FHIP2A: variants seen among roughly 807,000 people sequenced by gnomAD.
FHIP2A encodes family with sequence similarity 160 member B1.
A neutral mutation model predicts 93.5 loss-of-function variants in FHIP2A; 46 were observed. The observed-to-expected ratio is 0.49, with a 90% CI of 0.39 to 0.63. The LOEUF (loss-of-function observed/expected upper bound fraction) is 0.63. FHIP2A is among the 20% of genes least tolerant of loss of function. The pLI is 0.00. For synonymous variants in FHIP2A, 332 were observed against 326.5 expected, an observed-to-expected ratio of 1.02 and a Z score of -0.18; for missense variants, 769 against 909.7, an observed-to-expected ratio of 0.85 and a Z score of 1.99.
chr10:114,890,415 T>A (rs2083964792), intron 16 of FHIP2A, among the ~76,000 whole-genome samples: 1 of 150,996 alleles, frequency 6.6e-6, no homozygotes, highest in African/African-American at 2.4e-5. Context: ...ACCCAGTGAT[T>A]TATGATTATA....
At chr10:114,843,448 G>T (rs1032735465) in intron 6 of FHIP2A, among the ~76,000 whole-genome samples, 3 of 151,728 alleles carry the variant, frequency 2.0e-5, no homozygotes, top group African/African-American at 7.3e-5. Context: ...GGGATTACAG[G>T]TGCACGCCAC....
At chr10:114,852,768 A>G (rs2083744620) in intron 13 of FHIP2A, among the ~76,000 whole-genome samples, 1 of 152,224 alleles carries the variant, frequency 6.6e-6, no homozygotes, top group South Asian at 2.1e-4. Flanking sequence ...ATACTTAGAC[A>G]TCAAATCTTA....
chr10:114,854,689 A>G (rs1382949756), intron 13 of FHIP2A, among the ~76,000 whole-genome samples: 1 of 152,204 alleles, frequency 6.6e-6, no homozygotes, highest in African/African-American at 2.4e-5. Context: ...GAGGACCAGC[A>G]CTGGTCGATG....
chr10:114,822,110 A>T lies in FHIP2A; in HGVS notation c.32A>T (p.His11Leu), dbSNP rs1417034868. Reference sequence around the variant, plus strand: ...TCCAAGTTCACCTCCATCCTGCAGCACGCCGTGGAGGCGGTAAGGCCGCGG... The same window carrying T: ...TCCAAGTTCACCTCCATCCTGCAGCTCGCCGTGGAGGCGGTAAGGCCGCGG... MFSKFTSILQHAVEALAPSLP... is the reference protein window; with the variant it reads MFSKFTSILQLAVEALAPSLP... Residue 11 changes from histidine (H) to leucine (L), a missense_variant, in exon 1 of 17, where the codon CAC becomes CTC. Transcript: ENST00000369248. The T allele has an allele frequency of 7.5e-7, 1 of 1,339,800 alleles. No individual in the cohort carries two copies. The highest frequency in any genetic ancestry group is 1.8e-5 in the South Asian group (1 of 54,388). 83.0% of individuals were successfully genotyped at this position (1,339,800 alleles called of 1,614,324 possible). A position where few individuals can be genotyped will look rare whatever the true frequency, so the allele number is the denominator to read the frequency against.
At chr10:114,877,227 G>A (rs565399695) in intron 16 of FHIP2A, among the ~76,000 whole-genome samples, 54 of 152,198 alleles carry the variant, frequency 3.5e-4, no homozygotes, top group African/African-American at 1.3e-3. Context: ...CAGTTCCCGA[G>A]TGCTGTCACT....
At chr10:114,857,434 T>G (rs2083773869) in intron 14 of FHIP2A, among the ~76,000 whole-genome samples, 1 of 151,642 alleles carries the variant, frequency 6.6e-6, no homozygotes, top group African/African-American at 2.4e-5. Flanking sequence ...CTCAGCGTCC[T>G]GAGTAGCTGG....
chr10:114,876,254 G>A (rs937698843), intron 16 of FHIP2A, among the ~76,000 whole-genome samples: 1 of 152,126 alleles, frequency 6.6e-6, no homozygotes, highest in Non-Finnish European at 1.5e-5. Flanking sequence ...CCCAAGGAGC[G>A]CTGTGGACCA....
At position 114,861,883 on chromosome 10, in the gene FHIP2A, T is replaced by C; in HGVS notation, c.*343T>C. ...TGATGATATTTCTGTTATATTAATG[T>C]CCTTTTAGGTAGCAAGGCATTTTGA... On this transcript the variant is annotated 3_prime_UTR_variant, in exon 17 of 17. Transcript: ENST00000369248. 1.0e-6 allele frequency: 1 copy of C among 994,410 alleles called. No homozygotes were observed. The highest frequency in any genetic ancestry group is 1.2e-6 in the Non-Finnish European group (1 of 835,662). The allele number at this position is 994,410 out of a possible 1,614,324, so 61.6% of individuals were successfully genotyped here.
chr10:114,843,810 G>A lies in FHIP2A; in HGVS notation c.886G>A (p.Ala296Thr), dbSNP rs1173854782. 5 of 1,601,752 alleles carry A rather than the reference G, an allele frequency of 3.1e-6. No individual in the cohort carries two copies. In the African/African-American group the frequency reaches 4.0e-5, roughly 13 times the overall value. Reference sequence around the variant, plus strand: ...AGTAAGTTTGCCAGAGCCTGCGGCTGCAAAGTGCCTTACACAGAGCACTTG... The same window carrying A: ...AGTAAGTTTGCCAGAGCCTGCGGCTACAAAGTGCCTTACACAGAGCACTTG... ...LLVSLPEPAA[A>T]KCLTQSTCLC... The change falls in exon 7 of 17, where the codon GCA becomes ACA. Residue 296 changes from alanine to threonine, a missense_variant. Physicochemically the swap from Ala to Thr is moderately conservative, Grantham distance 58. Transcript: ENST00000369248.
In FHIP2A at chr10:114,855,334, T is replaced by G. The variant is rs199586118; in HGVS notation, c.1941T>G (p.Leu647=). ...TGTTCGACAGAATGGGAAGAATTCTTGATCAGGTAATACATTTTAAAATAC... is the reference window on the plus strand; with the variant it reads ...TGTTCGACAGAATGGGAAGAATTCTGGATCAGGTAATACATTTTAAAATAC... ...KVLFDRMGRI[L]DQPYDVNLQV... is the part of the protein sequence containing the mutation. The change falls in exon 14 of 17, where the codon CTT becomes CTG. Residue 647 remains leucine, a synonymous_variant. Coordinates refer to ENST00000369248, the MANE Select transcript of FHIP2A (RefSeq NM_020940.4). 152 of 1,613,424 alleles carry G rather than the reference T, an allele frequency of 9.4e-5. 1 individual carries two copies. The East Asian group carries it at 3.3e-3, about 35-fold the overall frequency.
chr10:114,862,525 C>T lies in FHIP2A; in HGVS notation c.*985C>T, dbSNP rs1187130292. ...TACATTTTTTTCTATTTTGTTCAGT[C>T]TTTTGTTTTAAATGATTCTAAAGAG... is the stretch of plus-strand genomic sequence containing the variant. On this transcript the variant is annotated 3_prime_UTR_variant, in exon 17 of 17. Coordinates refer to ENST00000369248, the MANE Select transcript of FHIP2A (RefSeq NM_020940.4). The T allele has an allele frequency of 1.0e-5, 10 of 987,158 alleles. No homozygotes were observed. Among genetic ancestry groups the T allele is most frequent in the Non-Finnish European group, 1.1e-5 (9 of 829,996 alleles). 61.1% of individuals were successfully genotyped at this position (987,158 alleles called of 1,614,324 possible).
intron 16 of FHIP2A, among the ~76,000 whole-genome samples, chr10:114,897,779 G>A (rs1412692968): frequency 6.6e-6 from 1 of 152,174 alleles, no homozygotes; most frequent in Admixed American, 6.5e-5. Flanking sequence ...GCTTGGTGGT[G>A]CACACCATAG....
chr10:114,865,910 G>A (rs535806055), downstream of FHIP2A, among the ~76,000 whole-genome samples: 1 of 152,002 alleles, frequency 6.6e-6, no homozygotes, highest in Non-Finnish European at 1.5e-5. Flanking sequence ...TGTTCTTATG[G>A]CAATAAAGTT....
chr10:114,845,328 G>A (rs748305744), intron 7 of FHIP2A, 39 bp from the exon 8 acceptor site: 2 of 1,181,546 alleles, frequency 1.7e-6, no homozygotes, highest in South Asian at 1.2e-5. Context: ...CCATGCTTTT[G>A]GATAACTTTG....
chr10:114,821,923 C>T lies in FHIP2A; in HGVS notation c.-156C>T, dbSNP rs1241877150. ...AGCCGCCCGCGCACACCTGAAGCGGCCGGGCCAGGCCCTGCCTCGATCCTC... is the reference window on the plus strand; with the variant it reads ...AGCCGCCCGCGCACACCTGAAGCGGTCGGGCCAGGCCCTGCCTCGATCCTC... On this transcript the variant is annotated 5_prime_UTR_variant, in exon 1 of 17. Coordinates refer to ENST00000369248, the MANE Select transcript of FHIP2A (RefSeq NM_020940.4). 1 of 353,380 alleles carries T rather than the reference C, an allele frequency of 2.8e-6. No individual in the cohort carries two copies. The highest frequency in any genetic ancestry group is 4.8e-5 in the East Asian group (1 of 20,968). 21.9% of individuals were successfully genotyped at this position (353,380 alleles called of 1,614,324 possible).
In FHIP2A at chr10:114,862,645, G is replaced by C; in HGVS notation, c.*1105G>C. On this transcript the variant is annotated 3_prime_UTR_variant, in exon 17 of 17. Coordinates refer to ENST00000369248, the MANE Select transcript of FHIP2A (RefSeq NM_020940.4). ...TGAATGGGTGTACATGTAGGAACCT[G>C]TAGTTCAGCAAAGCTGCGCTGGGCA... 1.0e-6 allele frequency: 1 copy of C among 985,696 alleles called. No individual in the cohort carries two copies. The highest frequency in any genetic ancestry group is 1.2e-6 in the Non-Finnish European group (1 of 830,106). 61.1% of individuals were successfully genotyped at this position (985,696 alleles called of 1,614,324 possible).
At chr10:114,848,601 TCATGCAA>T in intron 12 of FHIP2A, 39 bp from the exon 13 acceptor site, 1 of 1,107,678 alleles carries the variant, frequency 9.0e-7, no homozygotes, top group Admixed American at 2.0e-5. Flanking sequence ...CTTTTTTTTT[TCATGCAA>T]ATGGACATCT....
intron 12 of FHIP2A, 133 bp from the exon 13 acceptor site, chr10:114,848,514 T>C: frequency 1.7e-6 from 1 of 604,126 alleles, no homozygotes; most frequent in Non-Finnish European, 3.0e-6. Context: ...ACGATATCAC[T>C]AGATGCTTTA....
intron 1 of FHIP2A, among the ~76,000 whole-genome samples, chr10:114,822,503 T>C (rs2083538125): frequency 6.6e-6 from 1 of 152,180 alleles, no homozygotes; most frequent in Admixed American, 6.5e-5. Context: ...CCGGGCTCCC[T>C]TAACGTTAAC....
Sources: allele counts gnomAD v4.1 joint callset (sites outside exome capture counted in the v4.1 genomes callset), GRCh38; gene constraint gnomAD v4.1.1; transcripts MANE v1.5; gene names NCBI Gene and HGNC (gene_info 2026-07-23, HGNC 2026-07-21).